PRORP: variants seen among roughly 807,000 people sequenced by gnomAD.
PRORP encodes protein only RNase P catalytic subunit.
In PRORP, 51 loss-of-function variants were observed where a neutral mutation model predicts 59.4. The ratio of observed to expected loss-of-function variants is 0.86; its 90% CI spans 0.69 to 1.08. PRORP has a LOEUF of 1.08. Among genes scored for constraint, PRORP ranks in the 50% least tolerant of loss-of-function variants. The pLI, the probability that PRORP is intolerant of heterozygous loss-of-function variation, is 0.00. For synonymous variants in PRORP, 231 were observed against 245.6 expected, an observed-to-expected ratio of 0.94 and a Z score of 0.55; for missense variants, 646 against 690.3, an observed-to-expected ratio of 0.94 and a Z score of 0.72.
At chr14:35,261,188 G>A (rs940085329) in intron 5 of PRORP, among the ~76,000 whole-genome samples, 8 of 152,208 alleles carry the variant, frequency 5.3e-5, no homozygotes, top group Admixed American at 5.2e-4. Context: ...TGAGATCTAT[G>A]TGGCAAAAAG....
At chr14:35,127,330 C>A in intron 3 of PRORP, 149 bp from the exon 4 acceptor site, 1 of 561,482 alleles carries the variant, frequency 1.8e-6, no homozygotes, top group Non-Finnish European at 2.8e-6. Flanking sequence ...ATCAGGTTTA[C>A]AAAAAATTAG....
chr14:35,250,487 A>G (rs1477112283), intron 5 of PRORP, among the ~76,000 whole-genome samples: 1 of 152,196 alleles, frequency 6.6e-6, no homozygotes, highest in Non-Finnish European at 1.5e-5. Flanking sequence ...ACATAGAATA[A>G]TAAGATCAGA....
At position 35,266,874 on chromosome 14, in the gene PRORP, A is replaced by G. The variant is rs747038684; in HGVS notation, c.1423A>G (p.Ile475Val). ...AGCCAGCTGTTTTTTTGCTGATGAC[A>G]TGTAAGTGTTGGAGGTAATAGGTGA... is the stretch of plus-strand genomic sequence containing the variant. ...KQASCFFADDISEDDPFLLYA... is the reference protein window; with the variant it reads ...KQASCFFADDVSEDDPFLLYA... The change falls in exon 6 of 8, where the codon ATC becomes GTC. Residue 475 changes from isoleucine (I) to valine (V), a missense_variant and splice_region_variant. Physicochemically the swap from Ile to Val is conservative, Grantham distance 29. Transcript: ENST00000534898. 1 of 1,614,162 alleles carries G rather than the reference A, an allele frequency of 6.2e-7. No individual in the cohort carries two copies. The highest frequency in any genetic ancestry group is 8.5e-7 in the Non-Finnish European group (1 of 1,180,024).
intron 4 of PRORP, among the ~76,000 whole-genome samples, chr14:35,161,622 C>A (rs539193031): frequency 6.6e-6 from 1 of 152,082 alleles, no homozygotes; most frequent in South Asian, 2.1e-4. Flanking sequence ...AATTTGGGAG[C>A]AAGATTTTAT....
intron 5 of PRORP, among the ~76,000 whole-genome samples, chr14:35,250,145 G>A (rs140389507): frequency 0.013 from 2,006 of 152,026 alleles, 57 homozygotes; most frequent in African/African-American, 0.045. Context: ...CTACTCGGGA[G>A]GCTGAGGCAG....
chr14:35,181,752 T>C (rs1013723160), intron 5 of PRORP, among the ~76,000 whole-genome samples: 1 of 131,454 alleles, frequency 7.6e-6, no homozygotes, highest in African/African-American at 2.9e-5. Flanking sequence ...GCCATTGCAC[T>C]CCAGCCTGGG....
At chr14:35,165,030 T>C (rs75400717) in intron 4 of PRORP, among the ~76,000 whole-genome samples, 9,361 of 152,280 alleles carry the variant, frequency 0.061, 376 homozygotes, top group Middle Eastern at 0.11. Context: ...TGCTTAAGAA[T>C]ACAGGCCACA....
At chr14:35,152,187 G>A (rs146424514) in intron 4 of PRORP, among the ~76,000 whole-genome samples, 25,995 of 151,992 alleles carry the variant, frequency 0.17, 2,396 homozygotes, top group East Asian at 0.37. Flanking sequence ...ATCTTGCACC[G>A]CCCTTAATCC....
intron 4 of PRORP, among the ~76,000 whole-genome samples, chr14:35,138,954 C>A (rs2047427951): frequency 6.9e-6 from 1 of 144,880 alleles, no homozygotes; most frequent in African/African-American, 2.4e-5. Context: ...CCATGCCTGG[C>A]TAATTTTTGT....
intron 5 of PRORP, among the ~76,000 whole-genome samples, chr14:35,188,723 A>T (rs764688161): frequency 3.9e-5 from 6 of 151,978 alleles, no homozygotes; most frequent in Admixed American, 3.3e-4. Flanking sequence ...CACGCCTGTA[A>T]TCCCAGAACT....
chr14:35,236,717 T>C (rs1230151824), intron 5 of PRORP, among the ~76,000 whole-genome samples: 1 of 152,068 alleles, frequency 6.6e-6, no homozygotes, highest in Non-Finnish European at 1.5e-5. Context: ...CCCTTCCTTC[T>C]CTTACTCCTT....
rs926053323 is a variant in PRORP, at chr14:35,135,603, A to G, written c.1167+7992A>G. Among the ~76,000 whole-genome samples the G allele has an allele frequency of 5.9e-5, 9 of 152,282 alleles. No individual in the cohort carries two copies. The East Asian group carries it at 1.7e-3, about 29-fold the overall frequency. ...TTCTCATTGGTTGGTCCTATAGCAT[A>G]CTATAGGATAATGAGCAGCTATTAT... is the stretch of plus-strand genomic sequence containing the variant. On this transcript the variant is annotated intron_variant, in intron 4 of 7. Transcript: ENST00000534898.
intron 5 of PRORP, among the ~76,000 whole-genome samples, chr14:35,260,411 A>G (rs2050874037): frequency 6.6e-6 from 1 of 152,096 alleles, no homozygotes; most frequent in Non-Finnish European, 1.5e-5. Flanking sequence ...CTCTCCCAGT[A>G]CTCCCTCAAC....
chr14:35,232,355 G>A (rs967834664), intron 5 of PRORP, among the ~76,000 whole-genome samples: 7 of 151,518 alleles, frequency 4.6e-5, no homozygotes, highest in African/African-American at 7.3e-5. Flanking sequence ...ATAGGCATGC[G>A]CCACCATGCC....
chr14:35,215,806 G>T (rs528095345), intron 5 of PRORP, among the ~76,000 whole-genome samples: 1 of 150,748 alleles, frequency 6.6e-6, no homozygotes, highest in Non-Finnish European at 1.5e-5. Context: ...TCACCCTGTC[G>T]CCCAGACTAG....
At chr14:35,193,108 TG>T (rs1184737172) in intron 5 of PRORP, among the ~76,000 whole-genome samples, 5 of 152,232 alleles carry the variant, frequency 3.3e-5, no homozygotes, top group African/African-American at 1.2e-4. Context: ...TTGTTCCTTT[TG>T]CAGCTTGCAT....
Position 35,123,522 on chromosome 14 carries a change from A to G in PRORP, c.277A>G (p.Arg93Gly). 6.2e-6 allele frequency: 10 copies of G among 1,614,184 alleles called. No individual in the cohort carries two copies. Among genetic ancestry groups the G allele is most frequent in the Non-Finnish European group, 8.5e-6 (10 of 1,180,036 alleles). ...HFFLAGAAKE[R>G]SQMNSQTEDH... ...TTTTTTAGCTGGAGCAGCTAAGGAGAGATCACAGATGAATTCTCAAACTGA... is the reference window on the plus strand; with the variant it reads ...TTTTTTAGCTGGAGCAGCTAAGGAGGGATCACAGATGAATTCTCAAACTGA... Residue 93 changes from arginine to glycine, a missense_variant, in exon 2 of 8, where the codon AGA (arginine) becomes GGA (glycine). Coordinates refer to ENST00000534898, the MANE Select transcript of PRORP (RefSeq NM_014672.4).
intron 5 of PRORP, among the ~76,000 whole-genome samples, chr14:35,252,701 C>T (rs1457583200): frequency 6.6e-6 from 1 of 152,168 alleles, no homozygotes; most frequent in African/African-American, 2.4e-5. Flanking sequence ...CCTCAAGCCT[C>T]CTACTTCACC....
At position 35,129,680 on chromosome 14, in the gene PRORP, C is replaced by T. The variant is rs184929466; in HGVS notation, c.1167+2069C>T. Among the ~76,000 whole-genome samples the T allele has an allele frequency of 1.2e-3, 182 of 151,902 alleles. 1 individual carries two copies. Among genetic ancestry groups the T allele is most frequent in the African/African-American group, 4.0e-3 (167 of 41,424 alleles). Reference sequence around the variant, plus strand: ...ATTTTTAGTACAGACAGGGTTTCACCATGTTGGTCAGGCTGGCCTCGAACT... The same window carrying T: ...ATTTTTAGTACAGACAGGGTTTCACTATGTTGGTCAGGCTGGCCTCGAACT... On this transcript the variant is annotated intron_variant, in intron 4 of 7. Transcript: ENST00000534898.
Sources: allele counts gnomAD v4.1 joint callset (sites outside exome capture counted in the v4.1 genomes callset), GRCh38; gene constraint gnomAD v4.1.1; transcripts MANE v1.5; gene names NCBI Gene and HGNC (gene_info 2026-07-23, HGNC 2026-07-21).